Variants in FBXL4 observed in about 807,000 individuals in gnomAD.
FBXL4 encodes the protein F-box and leucine rich repeat protein 4.
Under a neutral mutation model 58.9 loss-of-function variants are expected in FBXL4, and 40 were observed. The observed-to-expected ratio is 0.68, with a 90% CI of 0.53 to 0.88. The LOEUF is 0.88. Among genes scored for constraint, FBXL4 ranks in the 40% least tolerant of loss-of-function variants. The pLI, the probability that FBXL4 is intolerant of heterozygous loss-of-function variation, is 0.00. For missense variants in FBXL4, 676 were observed against 734.4 expected, an observed-to-expected ratio of 0.92 and a Z score of 0.92; for synonymous variants, 263 against 265.5, an observed-to-expected ratio of 0.99 and a Z score of 0.09.
chr6:98,920,149 TATAAAC>T (rs1268589025), intron 4 of FBXL4, among the ~76,000 whole-genome samples: 2 of 152,166 alleles, frequency 1.3e-5, no homozygotes, highest in Admixed American at 6.6e-5. Context: ...AAATTATAAA[TATAAAC>T]ATAAAGACAT....
rs563973312 is a variant in FBXL4, at chr6:98,896,828, C to T, written c.1317+2440G>A. ...AAACCAGAGCTTATGCTATCTAGAC[C>T]TAGGTACATATGTATAAATTTCCAC... On this transcript the variant is annotated intron_variant, in intron 7 of 9. Coordinates refer to ENST00000369244, the MANE Select transcript of FBXL4 (RefSeq NM_001278716.2). The T allele has an allele frequency of 1.3e-4, 132 of 983,346 alleles. 1 individual carries two copies. The South Asian group carries it at 5.6e-3, about 42-fold the overall frequency. The allele number at this position is 983,346 out of a possible 1,614,324, so 60.9% of individuals were successfully genotyped here. A position where few individuals can be genotyped will look rare whatever the true frequency, so the allele number is the denominator to read the frequency against.
At chr6:98,896,696 G>T in intron 7 of FBXL4, 1 of 772,478 alleles carries the variant, frequency 1.3e-6, no homozygotes, top group Non-Finnish European at 1.6e-6. Flanking sequence ...TATTTTACCA[G>T]ATGAGCCAAT....
intron 7 of FBXL4, among the ~76,000 whole-genome samples, chr6:98,881,447 T>C (rs1319185577): frequency 6.6e-6 from 1 of 152,092 alleles, no homozygotes; most frequent in Admixed American, 6.5e-5. Flanking sequence ...CATGGCAAAA[T>C]ATCTTATACA....
intron 7 of FBXL4, among the ~76,000 whole-genome samples, chr6:98,893,795 T>C (rs1405804337): frequency 6.6e-6 from 1 of 151,728 alleles, no homozygotes; most frequent in Admixed American, 6.6e-5. Flanking sequence ...AAGAAATCAT[T>C]TTTTTTTTCA....
rs184469570 is a variant in FBXL4 at position 98,924,548 on chromosome 6, C to T, written c.512+1929G>A. On this transcript the variant is annotated intron_variant, in intron 4 of 9. Coordinates refer to ENST00000369244, the MANE Select transcript of FBXL4 (RefSeq NM_001278716.2). ...CTCCAGCCTGGGCGACAGAGTGAGA[C>T]CCTGTCTCAAAACAAAACAAAAGAT... 3.3e-5 allele frequency among the ~76,000 whole-genome samples: 5 copies of T among 152,240 alleles called. No individual in the cohort carries two copies. The East Asian group carries it at 9.7e-4, about 29-fold the overall frequency.
At chr6:98,875,893 T>C (rs1048012682) in intron 8 of FBXL4, among the ~76,000 whole-genome samples, 166 bp from the exon 9 acceptor site, 2 of 152,226 alleles carry the variant, frequency 1.3e-5, no homozygotes, top group Non-Finnish European at 2.9e-5. Context: ...CTGCCACTGT[T>C]TCATAAAACA....
At chr6:98,885,283 G>A (rs1028021830) in intron 7 of FBXL4, among the ~76,000 whole-genome samples, 1 of 152,068 alleles carries the variant, frequency 6.6e-6, no homozygotes, top group Non-Finnish European at 1.5e-5. Flanking sequence ...TTTATATTAT[G>A]CAGAGGTGGG....
chr6:98,900,941 T>C (rs1771586908), intron 6 of FBXL4, among the ~76,000 whole-genome samples: 2 of 152,154 alleles, frequency 1.3e-5, no homozygotes. Flanking sequence ...TTGCTAGCTG[T>C]ATTAGCTAAA....
At chr6:98,932,401 T>A (rs527452188) in intron 2 of FBXL4, among the ~76,000 whole-genome samples, 144 of 152,334 alleles carry the variant, frequency 9.5e-4, no homozygotes, top group African/African-American at 3.3e-3. Flanking sequence ...CATGATTTTA[T>A]TATAATACAA....
At chr6:98,907,289 GT>G (rs1007030382) in intron 5 of FBXL4, among the ~76,000 whole-genome samples, 1 of 152,188 alleles carries the variant, frequency 6.6e-6, no homozygotes, top group Admixed American at 6.5e-5. Flanking sequence ...TAAACTAGGG[GT>G]TTTAAACTAG....
intron 1 of FBXL4, among the ~76,000 whole-genome samples, chr6:98,937,623 G>A (rs536629118): frequency 6.6e-6 from 1 of 152,234 alleles, no homozygotes; most frequent in South Asian, 2.1e-4. Flanking sequence ...TGAAAGTGAT[G>A]GAGGAGGTGT....
At position 98,913,114 on chromosome 6, in the gene FBXL4, CAAG is replaced by C. The variant is rs1422550451; in HGVS notation, c.858+4257_858+4259del. Among the ~76,000 whole-genome samples the C allele has an allele frequency of 3.4e-4, 52 of 152,312 alleles. 1 individual carries two copies. Among genetic ancestry groups the C allele is most frequent in the Admixed American group, 2.2e-3 (33 of 15,292 alleles). On this transcript the variant is annotated intron_variant, in intron 5 of 9. Transcript: ENST00000369244. Reference sequence around the variant, plus strand: ...CACAATGGTAAAGGGATCAATTCAACAAGAAGAGCTAACTGTCCTAAATATATA... The same window carrying C: ...CACAATGGTAAAGGGATCAATTCAACAAGAGCTAACTGTCCTAAATATATA...
intron 9 of FBXL4, among the ~76,000 whole-genome samples, chr6:98,874,720 T>A (rs938132334): frequency 2.0e-5 from 3 of 152,164 alleles, no homozygotes; most frequent in Non-Finnish European, 4.4e-5. Flanking sequence ...TCAAATCAGC[T>A]CCTCCAGACT....
chr6:98,897,303 T>C, intron 7 of FBXL4: 1 of 985,308 alleles, frequency 1.0e-6, no homozygotes, highest in Non-Finnish European at 1.2e-6. Flanking sequence ...GCTAGCAATT[T>C]TATACCCACA....
intron 5 of FBXL4, among the ~76,000 whole-genome samples, chr6:98,914,301 C>T (rs985384414): frequency 2.4e-4 from 36 of 152,286 alleles, no homozygotes; most frequent in African/African-American, 7.7e-4. Context: ...AGGGAATCCT[C>T]CCTAACTCAT....
At chr6:98,900,374 A>G (rs537452901) in intron 6 of FBXL4, among the ~76,000 whole-genome samples, 19 of 152,232 alleles carry the variant, frequency 1.2e-4, no homozygotes, top group Middle Eastern at 3.2e-3. Context: ...AATTTATGCC[A>G]CATCTTTATT....
At chr6:98,931,400 AT>A (rs537070992) in intron 2 of FBXL4, among the ~76,000 whole-genome samples, 95 of 152,362 alleles carry the variant, frequency 6.2e-4, no homozygotes, top group African/African-American at 2.0e-3. Flanking sequence ...TAAACTGTAA[AT>A]ATATGTGTTA....
intron 7 of FBXL4, among the ~76,000 whole-genome samples, chr6:98,882,471 G>A (rs1770887454): frequency 6.6e-6 from 1 of 151,944 alleles, no homozygotes; most frequent in South Asian, 2.1e-4. Context: ...TGAGGGATCT[G>A]TCCATGTTGA....
intron 5 of FBXL4, among the ~76,000 whole-genome samples, chr6:98,909,809 A>C (rs1251026686): frequency 6.6e-6 from 1 of 152,036 alleles, no homozygotes; most frequent in African/African-American, 2.4e-5. Context: ...CAATCTGTGA[A>C]GCTCCCTTTC....
Sources: allele counts gnomAD v4.1 joint callset (sites outside exome capture counted in the v4.1 genomes callset), GRCh38; gene constraint gnomAD v4.1.1; transcripts MANE v1.5; gene names NCBI Gene and HGNC (gene_info 2026-07-23, HGNC 2026-07-21).